IMMT: variants seen among roughly 807,000 people sequenced by gnomAD.
The protein encoded by IMMT is inner membrane mitochondrial protein.
IMMT carries 40 observed loss-of-function variants against 92.7 expected under a neutral mutation model. The ratio of observed to expected loss-of-function variants is 0.43; its 90% CI spans 0.34 to 0.56. The LOEUF (loss-of-function observed/expected upper bound fraction) is 0.56. Among genes scored for constraint, IMMT ranks in the 20% least tolerant of loss-of-function variants. IMMT has a pLI of 0.03. For synonymous variants in IMMT, 322 were observed against 336.1 expected (o/e 0.96, Z 0.46); for missense variants, 831 against 912.1 (o/e 0.91, Z 1.14).
At chr2:86,179,203 C>T (rs1234418777) in intron 3 of IMMT, among the ~76,000 whole-genome samples, 1 of 152,160 alleles carries the variant, frequency 6.6e-6, no homozygotes, top group African/African-American at 2.4e-5. Flanking sequence ...TTAGATATTA[C>T]ATCTAATCTA....
chr2:86,175,298 T>C (rs1677357890), intron 3 of IMMT, among the ~76,000 whole-genome samples: 2 of 152,174 alleles, frequency 1.3e-5, no homozygotes, highest in Admixed American at 1.3e-4. Flanking sequence ...GAAAAATTCA[T>C]TCAAATTCTT....
At chr2:86,184,363 A>G (rs1208711968) in intron 1 of IMMT, among the ~76,000 whole-genome samples, 1 of 152,056 alleles carries the variant, frequency 6.6e-6, no homozygotes, top group Non-Finnish European at 1.5e-5. Context: ...TTTTTTATAG[A>G]GCCAGGTCTG....
chr2:86,181,126 T>A (rs999272897), intron 2 of IMMT, among the ~76,000 whole-genome samples, 173 bp downstream of exon 2: 1 of 152,166 alleles, frequency 6.6e-6, no homozygotes, highest in Non-Finnish European at 1.5e-5. Context: ...TAACAAATTT[T>A]TACCTACAAA....
In IMMT at chr2:86,144,176, G is replaced by A. The variant is rs760916623; in HGVS notation, c.*92C>T. On this transcript the variant is annotated 3_prime_UTR_variant, in exon 15 of 15. Transcript: ENST00000410111. ...GTACTTGTAAACCTGCTCATTTCTA[G>A]ACAAGTCCGGGACTCTCGCTGCGAA... 77 of 1,392,072 alleles carry A rather than the reference G, an allele frequency of 5.5e-5. No individual in the cohort carries two copies. Among genetic ancestry groups the A allele is most frequent in the Non-Finnish European group, 7.3e-5 (74 of 1,017,404 alleles). The allele number at this position is 1,392,072 out of a possible 1,614,324, so 86.2% of individuals were successfully genotyped here.
intron 2 of IMMT, among the ~76,000 whole-genome samples, chr2:86,180,613 A>C (rs192139316): frequency 7.3e-5 from 11 of 151,596 alleles, no homozygotes; most frequent in Non-Finnish European, 1.6e-4. Flanking sequence ...CCAGCCAGCC[A>C]TGGTGGCTCA....
intron 1 of IMMT, among the ~76,000 whole-genome samples, chr2:86,184,582 T>C (rs909929070): frequency 1.3e-5 from 2 of 152,216 alleles, no homozygotes; most frequent in East Asian, 1.9e-4. Context: ...CATATGTTTA[T>C]ACCTAGAAGA....
intron 3 of IMMT, among the ~76,000 whole-genome samples, chr2:86,178,874 C>A (rs6749145): frequency 0.012 from 1,837 of 152,054 alleles, 44 homozygotes; most frequent in African/African-American, 0.041. Context: ...CCAGTCTGGC[C>A]AACATGGTGA....
intron 1 of IMMT, among the ~76,000 whole-genome samples, chr2:86,187,241 C>T (rs912000106): frequency 6.6e-6 from 1 of 152,206 alleles, no homozygotes; most frequent in African/African-American, 2.4e-5. Flanking sequence ...CTGGCAACCA[C>T]CATGTACTTT....
intron 1 of IMMT, among the ~76,000 whole-genome samples, chr2:86,188,931 T>C (rs1672959578): frequency 6.6e-6 from 1 of 152,200 alleles, no homozygotes; most frequent in Admixed American, 6.5e-5. Flanking sequence ...TTATCTTTAG[T>C]TTCTCTTGTT....
rs765530957 is a variant in IMMT, at chr2:86,151,481, G to A, written c.1217C>T (p.Ala406Val). 18 of 1,613,894 alleles carry A rather than the reference G, an allele frequency of 1.1e-5. No individual in the cohort carries two copies. The highest frequency in any genetic ancestry group is 1.5e-5 in the Non-Finnish European group (18 of 1,179,890). The change falls in exon 12 of 15, where the codon GCT (alanine) becomes GTT (valine). Residue 406 changes from alanine to valine, a missense_variant. By Grantham distance (64) the Ala-to-Val change is moderately conservative. Coordinates refer to ENST00000410111, the MANE Select transcript of IMMT (RefSeq NM_006839.3). ...LSTDDLNSLI[A>V]HAHRRIDQLN... ...CTGATCAATACGACGATGTGCATGA[G>A]CAATGAGGGAGTTCAGATCATCAGT...
chr2:86,167,443 G>C (rs1299794346), intron 6 of IMMT, among the ~76,000 whole-genome samples: 1 of 150,350 alleles, frequency 6.7e-6, no homozygotes, highest in Non-Finnish European at 1.5e-5. Context: ...AAAGTGCTGG[G>C]ATTACAGGCG....
intron 12 of IMMT, among the ~76,000 whole-genome samples, chr2:86,149,502 A>T (rs1675301636): frequency 6.6e-6 from 1 of 152,148 alleles, no homozygotes; most frequent in African/African-American, 2.4e-5. Flanking sequence ...GTAAATAGAC[A>T]CAGAAAGAAG....
At chr2:86,157,811 AAAAAAAGGTAC>A (rs1236656848) in intron 10 of IMMT, among the ~76,000 whole-genome samples, 2 of 150,856 alleles carry the variant, frequency 1.3e-5, no homozygotes, top group Admixed American at 1.3e-4. Flanking sequence ...AAAGAAAAAA[AAAAAAAGGTAC>A]AAAAAATTAG....
At chr2:86,154,185 T>TG (rs1026178889) in intron 10 of IMMT, among the ~76,000 whole-genome samples, 5 of 149,590 alleles carry the variant, frequency 3.3e-5, no homozygotes, top group African/African-American at 1.2e-4. Context: ...TCTTTTTTTT[T>TG]TTTTTGAGAC....
In IMMT at chr2:86,151,430, T is replaced by G; in HGVS notation, c.1268A>C (p.Lys423Thr). ...CGTGATGTGCTGCTTTTCGGTGGCC[T>G]TCTGTTCTGCCAGCTCTCTGTTCAG... ...DQLNRELAEQ[K>T]ATEKQHITLA... The change falls in exon 12 of 15, where the codon AAG becomes ACG. Residue 423 changes from lysine (K) to threonine (T), a missense_variant. Physicochemically the swap from Lys to Thr is moderately conservative, Grantham distance 78. Transcript: ENST00000410111. 3.1e-6 allele frequency: 5 copies of G among 1,614,038 alleles called. No homozygotes were observed. The highest frequency in any genetic ancestry group is 1.7e-5 in the Admixed American group (1 of 60,018).
At position 86,158,583 on chromosome 2, in the gene IMMT, T is replaced by C. The variant is rs1676033815; in HGVS notation, c.1162+9A>G. 2 of 1,591,108 alleles carry C rather than the reference T, an allele frequency of 1.3e-6. No homozygotes were observed. Among genetic ancestry groups the C allele is most frequent in the African/African-American group, 1.3e-5 (1 of 74,684 alleles). On this transcript the variant is annotated intron_variant, in intron 10 of 14. Coordinates refer to ENST00000410111, the MANE Select transcript of IMMT (RefSeq NM_006839.3). ...ATCAAAAAAAAAACATTACTTCAGT[T>C]GTACTCACTCATTCCTTTCCACCCA...
At chr2:86,193,822 T>G (rs1360782947) in intron 1 of IMMT, among the ~76,000 whole-genome samples, 1 of 152,230 alleles carries the variant, frequency 6.6e-6, no homozygotes, top group East Asian at 1.9e-4. Context: ...GGGTTCATTT[T>G]TTATTACCAA....
At chr2:86,153,217 C>CT (rs1675603395) in intron 11 of IMMT, among the ~76,000 whole-genome samples, 3 of 151,808 alleles carry the variant, frequency 2.0e-5, no homozygotes, top group Non-Finnish European at 4.4e-5. Flanking sequence ...GGCTACAAAA[C>CT]TGAGTGATGG....
chr2:86,168,237 CA>C (rs1244702448), intron 6 of IMMT, among the ~76,000 whole-genome samples: 1 of 152,046 alleles, frequency 6.6e-6, no homozygotes, highest in Non-Finnish European at 1.5e-5. Context: ...TCGGGAATAC[CA>C]AAAAGTAAAG....
Sources: allele counts gnomAD v4.1 joint callset (sites outside exome capture counted in the v4.1 genomes callset), GRCh38; gene constraint gnomAD v4.1.1; transcripts MANE v1.5; gene names NCBI Gene and HGNC (gene_info 2026-07-23, HGNC 2026-07-21).